Variants in FARS2 observed in about 807,000 individuals in gnomAD.
FARS2 encodes the protein phenylalanine--tRNA ligase, mitochondrial.
A neutral mutation model predicts 46.4 loss-of-function variants in FARS2; 40 were observed. That is an observed-to-expected ratio of 0.86 (90% confidence interval 0.67 to 1.12). The LOEUF (loss-of-function observed/expected upper bound fraction) is 1.12, where lower values mean the gene tolerates loss of function less well. FARS2 is among the 50% of genes most tolerant of loss of function. FARS2 has a pLI of 0.00. For missense variants in FARS2, 513 were observed against 567.9 expected (o/e 0.90, Z 0.98); for synonymous variants, 234 against 214.9 (o/e 1.09, Z -0.78).
chr6:5,511,901 G>T (rs749159882), intron 4 of FARS2, among the ~76,000 whole-genome samples: 1 of 152,176 alleles, frequency 6.6e-6, no homozygotes, highest in Non-Finnish European at 1.5e-5. Context: ...CTCTTTCCAT[G>T]TGTACACATT....
chr6:5,423,202 C>T (rs972331340), intron 3 of FARS2, among the ~76,000 whole-genome samples: 1 of 151,914 alleles, frequency 6.6e-6, no homozygotes, highest in African/African-American at 2.4e-5. Context: ...GGATCGAGGA[C>T]CAAAGGGCTG....
chr6:5,556,914 A>G (rs772286457), intron 5 of FARS2, among the ~76,000 whole-genome samples: 3 of 152,246 alleles, frequency 2.0e-5, no homozygotes, highest in Non-Finnish European at 2.9e-5. Context: ...GGTGTAATAT[A>G]TTTTAGGAAT....
intron 5 of FARS2, among the ~76,000 whole-genome samples, chr6:5,590,287 G>GT (rs1337573806): frequency 2.0e-5 from 3 of 152,194 alleles, no homozygotes; most frequent in African/African-American, 7.2e-5. Context: ...CCCATGCACC[G>GT]TATGTGTCCA....
At chr6:5,639,978 G>A (rs765491581) in intron 6 of FARS2, among the ~76,000 whole-genome samples, 2 of 152,140 alleles carry the variant, frequency 1.3e-5, no homozygotes, top group East Asian at 1.9e-4. Flanking sequence ...GGTGGGTTTC[G>A]GAAAAACGTT....
intron 4 of FARS2, among the ~76,000 whole-genome samples, chr6:5,470,618 C>T (rs1418756154): frequency 6.6e-6 from 1 of 152,158 alleles, no homozygotes; most frequent in Non-Finnish European, 1.5e-5. Context: ...ATGTAAGGCT[C>T]AAAGTGGATT....
At chr6:5,257,344 T>A (rs35532313), upstream of FARS2, among the ~76,000 whole-genome samples, 1,578 of 152,262 alleles carry the variant, frequency 0.01, 35 homozygotes, top group African/African-American at 0.035. Context: ...TGATCCAACA[T>A]CACCCCTTGG....
intron 3 of FARS2, among the ~76,000 whole-genome samples, chr6:5,421,023 C>A (rs781110011): frequency 1.4e-4 from 21 of 152,176 alleles, no homozygotes; most frequent in Non-Finnish European, 3.1e-4. Flanking sequence ...CCAAAATTTC[C>A]CTTCTGCACT....
intron 4 of FARS2, among the ~76,000 whole-genome samples, chr6:5,493,124 G>A (rs1339548317): frequency 6.6e-6 from 1 of 150,666 alleles, no homozygotes; most frequent in Non-Finnish European, 1.5e-5. Context: ...CAGGAGAATT[G>A]CTTGAACCTG....
intron 1 of FARS2, among the ~76,000 whole-genome samples, chr6:5,351,694 A>G (rs1757585481): frequency 6.6e-6 from 1 of 152,186 alleles, no homozygotes; most frequent in Non-Finnish European, 1.5e-5. Context: ...TTTTTATAGC[A>G]TAAGACACAC....
intron 2 of FARS2, among the ~76,000 whole-genome samples, chr6:5,403,619 ATTTT>A (rs917957354): frequency 5.3e-5 from 8 of 151,638 alleles, no homozygotes; most frequent in African/African-American, 1.9e-4. Flanking sequence ...GAATTTCTGT[ATTTT>A]TTTCAGTAGC....
intron 6 of FARS2, among the ~76,000 whole-genome samples, chr6:5,734,589 GAACAC>G (rs1760835386): frequency 6.6e-6 from 1 of 152,166 alleles, no homozygotes; most frequent in Non-Finnish European, 1.5e-5. Context: ...TGATGACAGG[GAACAC>G]GTACATAGCA....
At chr6:5,627,012 C>T (rs876784) in intron 6 of FARS2, among the ~76,000 whole-genome samples, 1 of 152,130 alleles carries the variant, frequency 6.6e-6, no homozygotes, top group African/African-American at 2.4e-5. Context: ...CATATCTAAA[C>T]ATACTTCATA....
In FARS2 at chr6:5,537,276, G is replaced by C. The variant is rs572376540; in HGVS notation, c.905-7904G>C. ...GAGAAGTATCCCTACCCCTTCCCCA[G>C]TGCCTTCCACAGACAGCACAGACAT... On this transcript the variant is annotated intron_variant, in intron 4 of 6. Transcript: ENST00000274680. Among the ~76,000 whole-genome samples the C allele has an allele frequency of 7.2e-5, 11 of 152,326 alleles. No individual in the cohort carries two copies. The East Asian group carries it at 2.1e-3, about 29-fold the overall frequency.
chr6:5,607,275 A>G (rs2326652), intron 5 of FARS2, among the ~76,000 whole-genome samples: 85,953 of 150,602 alleles, frequency 0.57, 24,902 homozygotes, highest in East Asian at 0.83. Flanking sequence ...TTTATTAAAG[A>G]ATAATATGTA....
intron 1 of FARS2, among the ~76,000 whole-genome samples, chr6:5,321,035 T>C (rs900904727): frequency 6.6e-6 from 1 of 152,186 alleles, no homozygotes; most frequent in African/African-American, 2.4e-5. Flanking sequence ...CTCTCAACTA[T>C]ATTGGAAATG....
chr6:5,659,028 G>C (rs143518037), intron 6 of FARS2, among the ~76,000 whole-genome samples: 1 of 152,130 alleles, frequency 6.6e-6, no homozygotes, highest in Non-Finnish European at 1.5e-5. Context: ...CCCAGTGCCC[G>C]CGTTGGACTA....
At chr6:5,268,685 G>A (rs143795217) in intron 1 of FARS2, among the ~76,000 whole-genome samples, 130 of 152,216 alleles carry the variant, frequency 8.5e-4, no homozygotes, top group Non-Finnish European at 1.6e-3. Flanking sequence ...TTGGCAATGC[G>A]GGCTCTTTTT....
At chr6:5,331,220 T>C (rs1384249759) in intron 1 of FARS2, among the ~76,000 whole-genome samples, 1 of 152,222 alleles carries the variant, frequency 6.6e-6, no homozygotes, top group African/African-American at 2.4e-5. Context: ...TTTTCTCTTT[T>C]ATTTTGCTTG....
intron 6 of FARS2, among the ~76,000 whole-genome samples, chr6:5,716,142 A>G (rs1336326254): frequency 6.6e-6 from 1 of 152,214 alleles, no homozygotes; most frequent in Non-Finnish European, 1.5e-5. Flanking sequence ...TCATCTATAA[A>G]TACTCATATA....
Sources: gnomAD v4.1 joint callset for allele counts (sites outside exome capture counted in the v4.1 genomes callset) on GRCh38, gnomAD v4.1.1 for gene constraint, MANE v1.5 for transcripts, NCBI Gene and HGNC (gene_info 2026-07-23, HGNC 2026-07-21) for gene names.